NUP188: variants seen among roughly 807,000 people sequenced by gnomAD.
NUP188 encodes nucleoporin 188.
NUP188 carries 97 observed loss-of-function variants against 223.0 expected under a neutral mutation model. That is an observed-to-expected ratio of 0.43 (90% CI 0.37 to 0.51). The LOEUF is 0.51. Among genes scored for constraint, NUP188 ranks in the 20% least tolerant of loss-of-function variants. The pLI, the probability that NUP188 is intolerant of heterozygous loss-of-function variation, is 0.00. For missense variants in NUP188, 1,947 were observed against 2,175.6 expected, an observed-to-expected ratio of 0.89 and a Z score of 2.09; for synonymous variants, 869 against 828.0, an observed-to-expected ratio of 1.05 and a Z score of -0.85.
chr9:128,999,338 G>C, intron 33 of NUP188, 21 bp downstream of exon 33: 1 of 1,611,296 alleles, frequency 6.2e-7, no homozygotes, highest in Non-Finnish European at 8.5e-7. Context: ...GAGGCAGGGG[G>C]AGCAGCAGCT....
chr9:128,981,018 A>C lies in NUP188; in HGVS notation c.1390-246A>C, dbSNP rs551380877. Among the ~76,000 whole-genome samples the C allele has an allele frequency of 5.9e-5, 9 of 152,274 alleles. No individual in the cohort carries two copies. In the South Asian group the frequency reaches 1.9e-3, roughly 32 times the overall value. On this transcript the variant is annotated intron_variant, in intron 14 of 43. Transcript: ENST00000372577. The stretch of plus-strand genomic sequence containing the variant: ...GCTAAGAGCCAGGTGGTACAGAGTA[A>C]ATGTCATTTGAGCAATAAAGACCAT...
At chr9:128,998,873 T>C (rs77022863) in intron 32 of NUP188, among the ~76,000 whole-genome samples, 1 of 151,006 alleles carries the variant, frequency 6.6e-6, no homozygotes, top group Admixed American at 6.6e-5. Flanking sequence ...TTTTTTTTTT[T>C]TGAGACGGAG....
chr9:128,949,946 A>AT (rs1841757240), intron 2 of NUP188, among the ~76,000 whole-genome samples: 1 of 76,178 alleles, frequency 1.3e-5, no homozygotes. Flanking sequence ...TTTTTTTTTG[A>AT]GGGGGGTGTC....
chr9:129,002,895 C>G lies in NUP188; in HGVS notation c.4216C>G (p.Gln1406Glu). 6.2e-7 allele frequency: 1 copy of G among 1,614,222 alleles called. No individual in the cohort carries two copies. Among genetic ancestry groups the G allele is most frequent in the Non-Finnish European group, 8.5e-7 (1 of 1,180,038 alleles). ...VYRLSMSLME[Q>E]LLKTLRYNFL... ...CCGCCTGTCCATGTCCCTGATGGAG[C>G]AGCTGCTCAAAACTCTGCGCTACAA... is the stretch of plus-strand genomic sequence containing the variant. The change falls in exon 37 of 44, where the codon CAG becomes GAG. Residue 1406 changes from glutamine (Q) to glutamate (E), a missense_variant. Physicochemically the swap from Gln to Glu is conservative, Grantham distance 29. Coordinates refer to ENST00000372577, the MANE Select transcript of NUP188 (RefSeq NM_015354.3).
At chr9:128,953,869 C>T (rs551709104) in intron 3 of NUP188, among the ~76,000 whole-genome samples, 24 of 151,100 alleles carry the variant, frequency 1.6e-4, no homozygotes, top group South Asian at 6.3e-4. Flanking sequence ...TTTGCTCTGT[C>T]GCCCAGACTG....
At chr9:128,982,808 G>C in intron 16 of NUP188, 94 bp from the exon 17 acceptor site, 5 of 1,587,336 alleles carry the variant, frequency 3.1e-6, no homozygotes, top group Non-Finnish European at 4.3e-6. Context: ...TCAAGATTGT[G>C]ATTTGTCTGA....
chr9:128,978,435 C>T lies in NUP188; in HGVS notation c.1204-827C>T, dbSNP rs951833962. Among the ~76,000 whole-genome samples the T allele has an allele frequency of 2.0e-4, 30 of 150,708 alleles. No homozygotes were observed. The East Asian group carries it at 5.8e-3, about 29-fold the overall frequency. ...AAAATTAGCTGGGCGTGGTGGCAGG[C>T]GCCTGTAGTCCCAGCTACTCAGGAG... On this transcript the variant is annotated intron_variant, in intron 12 of 43. Transcript: ENST00000372577.
Position 128,995,418 on chromosome 9 carries a change from C to G in NUP188, c.3255C>G (p.His1085Gln). 6.2e-7 allele frequency: 1 copy of G among 1,613,894 alleles called. No homozygotes were observed. Among genetic ancestry groups the G allele is most frequent in the African/African-American group, 1.3e-5 (1 of 75,006 alleles). ...GGTATGTCAAGTCATTGGCAGTTCACGTGGCCGAAACAGAAGGCAGCAGCT... is the reference window on the plus strand; with the variant it reads ...GGTATGTCAAGTCATTGGCAGTTCAGGTGGCCGAAACAGAAGGCAGCAGCT... ...WSGYVKSLAV[H>Q]VAETEGSSCT... is the part of the protein sequence containing the mutation. Residue 1085 changes from histidine (H) to glutamine (Q), a missense_variant, in exon 30 of 44, where the codon CAC (histidine) becomes CAG (glutamine). Physicochemically the swap from His to Gln is conservative, Grantham distance 24. This residue lies in a region of NUP188 where 905 missense variants were observed against 990.6 expected (regional missense o/e 0.91). Transcript: ENST00000372577.
rs146450188 is a variant in NUP188, at chr9:128,970,367, C to G, written c.913-391C>G. Among the ~76,000 whole-genome samples the G allele has an allele frequency of 2.4e-3, 370 of 152,022 alleles. 1 individual carries two copies. The highest frequency in any genetic ancestry group is 8.7e-3 in the African/African-American group (360 of 41,472). ...GACAAAAGAGGCCCAAGGAGAAAACCCTGGGGATTGACTGCATTTAAGGAG... is the reference window on the plus strand; with the variant it reads ...GACAAAAGAGGCCCAAGGAGAAAACGCTGGGGATTGACTGCATTTAAGGAG... On this transcript the variant is annotated intron_variant, in intron 10 of 43. Transcript: ENST00000372577.
intron 8 of NUP188, among the ~76,000 whole-genome samples, chr9:128,966,976 T>A (rs146431060): frequency 1.1e-4 from 17 of 152,162 alleles, no homozygotes; most frequent in African/African-American, 3.4e-4. Flanking sequence ...CATAATGAAT[T>A]ATTATGCAAA....
chr9:128,985,038 A>C (rs1468104373), intron 20 of NUP188, 24 bp downstream of exon 20: 1 of 1,545,942 alleles, frequency 6.5e-7, no homozygotes, highest in Admixed American at 1.7e-5. Context: ...TTGTTCACAA[A>C]GGGCAGAAAA....
At position 128,995,426 on chromosome 9, in the gene NUP188, A is replaced by T; in HGVS notation, c.3263A>T (p.Glu1088Val). Reference protein sequence around the residue: ...YVKSLAVHVAETEGSSCTSLL... With the variant: ...YVKSLAVHVAVTEGSSCTSLL... ...AAGTCATTGGCAGTTCACGTGGCCG[A>T]AACAGAAGGCAGCAGCTGCACCTCC... The change falls in exon 30 of 44, where the codon GAA becomes GTA. Residue 1088 changes from glutamate (E) to valine (V), a missense_variant. Glu to Val is a moderately radical substitution (Grantham distance 121). Transcript: ENST00000372577. 1 of 1,613,966 alleles carries T rather than the reference A, an allele frequency of 6.2e-7. No individual in the cohort carries two copies. Among genetic ancestry groups the T allele is most frequent in the Non-Finnish European group, 8.5e-7 (1 of 1,179,954 alleles).
At chr9:128,990,404 A>T (rs761961424) in intron 25 of NUP188, among the ~76,000 whole-genome samples, 178 bp downstream of exon 25, 1 of 152,182 alleles carries the variant, frequency 6.6e-6, no homozygotes, top group Non-Finnish European at 1.5e-5. Context: ...AGCCTGGGCC[A>T]CATAGTGAGA....
At position 128,958,005 on chromosome 9, in the gene NUP188, T is replaced by G. The variant is rs1386716343; in HGVS notation, c.328-5T>G. The G allele has an allele frequency of 6.2e-7, 1 of 1,611,476 alleles. No individual in the cohort carries two copies. Among genetic ancestry groups the G allele is most frequent in the Non-Finnish European group, 8.5e-7 (1 of 1,178,632 alleles). The stretch of plus-strand genomic sequence containing the variant: ...GCCTCTTAACTGCTCTGTTTTTCTT[T>G]TCAGACAGTACTGCAAGATGAGAGG... On this transcript the variant is annotated splice_polypyrimidine_tract_variant and splice_region_variant and intron_variant, in intron 5 of 43. Transcript: ENST00000372577.
intron 41 of NUP188, 114 bp from the exon 42 acceptor site, chr9:129,005,936 G>A (rs767929098): frequency 2.1e-6 from 3 of 1,420,848 alleles, no homozygotes; most frequent in Non-Finnish European, 2.0e-6. Flanking sequence ...TTACTGTGAG[G>A]ATTAAATGAG....
chr9:128,948,530 C>G (rs544619370), intron 1 of NUP188: 37 of 152,096 alleles, frequency 2.4e-4, no homozygotes, highest in African/African-American at 7.7e-4. Flanking sequence ...TCAGAGCTAG[C>G]CAAGTGATAA....
At chr9:128,967,974 T>C (rs1234493663) in intron 8 of NUP188, among the ~76,000 whole-genome samples, 2 of 151,532 alleles carry the variant, frequency 1.3e-5, no homozygotes, top group South Asian at 2.1e-4. Context: ...AAAAGATACA[T>C]TGGTTGGCTG....
intron 8 of NUP188, among the ~76,000 whole-genome samples, chr9:128,961,197 G>A (rs1191589271): frequency 6.6e-6 from 1 of 151,894 alleles, no homozygotes; most frequent in Admixed American, 6.6e-5. Flanking sequence ...GAGCATGGTG[G>A]TGCGTGCCTG....
In NUP188 at chr9:129,001,983, G is replaced by C; in HGVS notation, c.4137+7G>C. 1.9e-6 allele frequency: 3 copies of C among 1,613,026 alleles called. No homozygotes were observed. The highest frequency in any genetic ancestry group is 2.5e-6 in the Non-Finnish European group (3 of 1,179,030). ...CACCAACGGCACAGCACAGGTGAGT[G>C]TCAGGAGCTTGCCAGGAGGCCCAGC... On this transcript the variant is annotated splice_region_variant and intron_variant, in intron 36 of 43. Transcript: ENST00000372577.
Sources: allele counts gnomAD v4.1 joint callset (sites outside exome capture counted in the v4.1 genomes callset), GRCh38; gene constraint gnomAD v4.1.1; regional missense constraint gnomAD v4.1.1; transcripts MANE v1.5; gene names NCBI Gene and HGNC (gene_info 2026-07-23, HGNC 2026-07-21).